YES1: variants seen among roughly 807,000 people sequenced by gnomAD.
YES1 encodes the protein tyrosine-protein kinase Yes.
A neutral mutation model predicts 70.4 loss-of-function variants in YES1; 39 were observed. The ratio of observed to expected loss-of-function variants is 0.55; its 90% confidence interval spans 0.43 to 0.72. The LOEUF (loss-of-function observed/expected upper bound fraction) is 0.72. Ranked by LOEUF, YES1 falls within the 30% of genes least tolerant of loss-of-function variation. The pLI is 0.00. For synonymous variants in YES1, 198 were observed against 218.6 expected (o/e 0.91, Z 0.83); for missense variants, 495 against 644.8 (o/e 0.77, Z 2.52).
chr18:759,524 TG>T (rs1369096496), intron 1 of YES1, among the ~76,000 whole-genome samples: 1 of 152,196 alleles, frequency 6.6e-6, no homozygotes, highest in Non-Finnish European at 1.5e-5. Context: ...TACGGTCTTT[TG>T]TATCTATGAG....
intron 1 of YES1, among the ~76,000 whole-genome samples, chr18:811,808 C>G (rs568326536): frequency 3.3e-5 from 5 of 152,242 alleles, no homozygotes; most frequent in Non-Finnish European, 7.4e-5. Context: ...GCGGTCCACA[C>G]GACCCCAAAG....
chr18:731,783 C>T (rs561699864), intron 11 of YES1, among the ~76,000 whole-genome samples: 14 of 151,762 alleles, frequency 9.2e-5, no homozygotes, highest in East Asian at 2.0e-4. Flanking sequence ...CTGGTTAACA[C>T]GGTGAAACCC....
chr18:775,421 T>C (rs1905329565), intron 1 of YES1, among the ~76,000 whole-genome samples: 1 of 152,144 alleles, frequency 6.6e-6, no homozygotes, highest in South Asian at 2.1e-4. Context: ...CTCATGCTAT[T>C]AACCCTGCTC....
At chr18:759,779 A>G (rs866996235) in intron 1 of YES1, among the ~76,000 whole-genome samples, 38 of 152,212 alleles carry the variant, frequency 2.5e-4, no homozygotes, top group Admixed American at 6.5e-4. Context: ...TTACATATGT[A>G]TACATGTGCC....
chr18:771,617 C>T (rs1308111280), intron 1 of YES1, among the ~76,000 whole-genome samples: 3 of 152,100 alleles, frequency 2.0e-5, no homozygotes, highest in South Asian at 2.1e-4. Context: ...GGCGCGATCA[C>T]GACTCACTGA....
chr18:736,762 CA>C, intron 10 of YES1, 45 bp downstream of exon 10: 1 of 1,587,634 alleles, frequency 6.3e-7, no homozygotes, highest in Non-Finnish European at 8.6e-7. Flanking sequence ...GAGAGTTAAG[CA>C]AAACACACAA....
chr18:751,293 A>T (rs550574296), intron 3 of YES1, among the ~76,000 whole-genome samples: 1 of 152,194 alleles, frequency 6.6e-6, no homozygotes, highest in Non-Finnish European at 1.5e-5. Context: ...AATTTCATCA[A>T]TTGGAAAGTA....
In YES1 at chr18:723,521, A is replaced by G. The variant is rs2079983815; in HGVS notation, c.*903T>C. 6.6e-6 allele frequency: 1 copy of G among 152,664 alleles called. No individual in the cohort carries two copies. Among genetic ancestry groups the G allele is most frequent in the Admixed American group, 6.5e-5 (1 of 15,288 alleles). The allele number at this position is 152,664 out of a possible 1,614,324, so 9.5% of individuals were successfully genotyped here. On this transcript the variant is annotated 3_prime_UTR_variant, in exon 12 of 12. Coordinates refer to ENST00000314574, the MANE Select transcript of YES1 (RefSeq NM_005433.4). ...ATTTGTGGCACCCATCCCCATAAGGACATATAAGCAATACTCACAGTACGA... is the reference window on the plus strand; with the variant it reads ...ATTTGTGGCACCCATCCCCATAAGGGCATATAAGCAATACTCACAGTACGA...
At chr18:756,138 C>T (rs1040106804) in intron 2 of YES1, among the ~76,000 whole-genome samples, 13 of 152,194 alleles carry the variant, frequency 8.5e-5, no homozygotes, top group African/African-American at 2.9e-4. Flanking sequence ...TGTATTATCG[C>T]TACTCTACTG....
chr18:751,632 C>T, intron 3 of YES1, 73 bp downstream of exon 3: 7 of 1,014,996 alleles, frequency 6.9e-6, no homozygotes, highest in Non-Finnish European at 1.1e-5. Context: ...GGATCATCAA[C>T]CAGCTCAGTG....
intron 1 of YES1, among the ~76,000 whole-genome samples, chr18:808,703 CTCT>C (rs900295896): frequency 1.1e-4 from 16 of 152,122 alleles, no homozygotes; most frequent in African/African-American, 3.9e-4. Flanking sequence ...CAGATGAGAT[CTCT>C]TCTTCAACTC....
chr18:811,321 C>CGAGTA (rs1907368211), intron 1 of YES1, among the ~76,000 whole-genome samples: 1 of 152,056 alleles, frequency 6.6e-6, no homozygotes, highest in Non-Finnish European at 1.5e-5. Flanking sequence ...CAACCAAATC[C>CGAGTA]GAACTGTTAA....
At chr18:771,612 G>A (rs990684547) in intron 1 of YES1, among the ~76,000 whole-genome samples, 2 of 152,038 alleles carry the variant, frequency 1.3e-5, no homozygotes, top group Admixed American at 6.6e-5. Context: ...GCAGTGGCGC[G>A]ATCACGACTC....
intron 2 of YES1, among the ~76,000 whole-genome samples, chr18:754,980 C>A (rs1408971540): frequency 6.6e-6 from 1 of 152,058 alleles, no homozygotes; most frequent in Non-Finnish European, 1.5e-5. Flanking sequence ...AAATGAATAC[C>A]CCTAATAGAA....
chr18:779,083 C>A (rs1189830837), intron 1 of YES1, among the ~76,000 whole-genome samples: 2 of 152,104 alleles, frequency 1.3e-5, no homozygotes, highest in Non-Finnish European at 2.9e-5. Flanking sequence ...GATATAGGAT[C>A]AGCCATGAGA....
chr18:760,524 G>T (rs978772028), intron 1 of YES1, among the ~76,000 whole-genome samples: 6 of 152,076 alleles, frequency 3.9e-5, no homozygotes, highest in African/African-American at 1.4e-4. Context: ...AACCGCATAT[G>T]GGGGATTTGT....
chr18:776,749 T>C (rs1297331870), intron 1 of YES1, among the ~76,000 whole-genome samples: 2 of 152,178 alleles, frequency 1.3e-5, no homozygotes, highest in Admixed American at 6.5e-5. Context: ...TATATGGTGA[T>C]TCCTAACCTC....
intron 1 of YES1, among the ~76,000 whole-genome samples, chr18:793,263 ACTCCAGAC>A (rs1432568833): frequency 6.6e-6 from 1 of 151,756 alleles, no homozygotes; most frequent in African/African-American, 2.4e-5. Flanking sequence ...ATGGTCTCAA[ACTCCAGAC>A]CTCGTGATCC....
At chr18:734,020 T>A (rs2080122518) in intron 10 of YES1, among the ~76,000 whole-genome samples, 1 of 152,218 alleles carries the variant, frequency 6.6e-6, no homozygotes, top group African/African-American at 2.4e-5. Context: ...GGCTCACGCC[T>A]ATAATCCCAG....
Sources: gnomAD v4.1 joint callset for allele counts (sites outside exome capture counted in the v4.1 genomes callset) on GRCh38, gnomAD v4.1.1 for gene constraint, MANE v1.5 for transcripts, NCBI Gene and HGNC (gene_info 2026-07-23, HGNC 2026-07-21) for gene names.